Variants in CTNND2 observed in about 807,000 individuals in gnomAD.
CTNND2 encodes catenin delta 2, also known as catenin delta-2.
A neutral mutation model predicts 144.4 loss-of-function variants in CTNND2; 22 were observed. The observed-to-expected ratio is 0.15, with a 90% CI of 0.11 to 0.22. The LOEUF (loss-of-function observed/expected upper bound fraction) is 0.22. Among genes scored for constraint, CTNND2 ranks in the 10% least tolerant of loss-of-function variants. The pLI is 1.00. For synonymous variants in CTNND2, 751 were observed against 695.6 expected (o/e 1.08, Z -1.25); for missense variants, 1,353 against 1,618.8 (o/e 0.84, Z 2.82).
In CTNND2 at chr5:11,282,244, G is replaced by A. The variant is rs567631572; in HGVS notation, c.1629-45421C>T. Among the ~76,000 whole-genome samples the A allele has an allele frequency of 1.1e-4, 16 of 152,214 alleles. No homozygotes were observed. In the East Asian group the frequency reaches 1.2e-3, roughly 11 times the overall value. Reference sequence around the variant, plus strand: ...GGAAAAAAAGCAATTCATGCTTCTCGTCTGACATTTCTAAGCTTCCTACCA... The same window carrying A: ...GGAAAAAAAGCAATTCATGCTTCTCATCTGACATTTCTAAGCTTCCTACCA... On this transcript the variant is annotated intron_variant, in intron 9 of 21. Coordinates refer to ENST00000304623, the MANE Select transcript of CTNND2 (RefSeq NM_001332.4).
In CTNND2 at chr5:11,645,728, T is replaced by C. The variant is rs1050823430; in HGVS notation, c.175-80672A>G. Among the ~76,000 whole-genome samples, 12 of 152,252 alleles carry C rather than the reference T, an allele frequency of 7.9e-5. No individual in the cohort carries two copies. In the East Asian group the frequency reaches 2.1e-3, roughly 27 times the overall value. On this transcript the variant is annotated intron_variant, in intron 2 of 21. Transcript: ENST00000304623. Reference sequence around the variant, plus strand: ...TTAGACCAGGGAAATAAAAATATCTTGTCCTTACTGCTTATCTAAGTTTAC... The same window carrying C: ...TTAGACCAGGGAAATAAAAATATCTCGTCCTTACTGCTTATCTAAGTTTAC...
chr5:11,769,911 T>C (rs770445724), intron 1 of CTNND2, among the ~76,000 whole-genome samples: 3 of 152,206 alleles, frequency 2.0e-5, no homozygotes, highest in Non-Finnish European at 4.4e-5. Context: ...ATTTTCCAAT[T>C]ATAAAATTAA....
At chr5:11,866,493 G>A (rs1795775463) in intron 1 of CTNND2, among the ~76,000 whole-genome samples, 1 of 152,122 alleles carries the variant, frequency 6.6e-6, no homozygotes, top group African/African-American at 2.4e-5. Flanking sequence ...GGAAGTATGG[G>A]CCAAGGTTAA....
chr5:11,814,176 A>T (rs1792502144), intron 1 of CTNND2, among the ~76,000 whole-genome samples: 1 of 152,264 alleles, frequency 6.6e-6, no homozygotes, highest in Non-Finnish European at 1.5e-5. Context: ...ATTAAGTTGT[A>T]CCTAAAACAT....
intron 2 of CTNND2, among the ~76,000 whole-genome samples, chr5:11,680,738 C>G (rs1187857233): frequency 1.3e-5 from 2 of 152,084 alleles, no homozygotes; most frequent in East Asian, 3.9e-4. Context: ...CACAGAGCAG[C>G]AGGTGGACTG....
At chr5:11,523,395 C>T (rs1772933112) in intron 3 of CTNND2, among the ~76,000 whole-genome samples, 1 of 152,112 alleles carries the variant, frequency 6.6e-6, no homozygotes, top group African/African-American at 2.4e-5. Flanking sequence ...TATATCGAGG[C>T]ACACTTGCGT....
chr5:11,345,824 T>C (rs1561253208), intron 9 of CTNND2, among the ~76,000 whole-genome samples: 1 of 151,672 alleles, frequency 6.6e-6, no homozygotes, highest in Non-Finnish European at 1.5e-5. Flanking sequence ...AAAACCTCCA[T>C]AACAACAATT....
At chr5:10,979,276 T>A (rs956008516) in intron 21 of CTNND2, among the ~76,000 whole-genome samples, 5 of 152,268 alleles carry the variant, frequency 3.3e-5, no homozygotes, top group Non-Finnish European at 7.3e-5. Flanking sequence ...TGTTTCTGTT[T>A]GCCTTTATGG....
intron 12 of CTNND2, among the ~76,000 whole-genome samples, chr5:11,145,989 G>C (rs796586201): frequency 6.6e-6 from 1 of 152,082 alleles, no homozygotes; most frequent in Non-Finnish European, 1.5e-5. Context: ...TTCTTCCCCC[G>C]GACAGACTCT....
rs757351324 is a variant in CTNND2, at chr5:11,433,887, C to T, written c.288-21818G>A. The stretch of plus-strand genomic sequence containing the variant: ...TCAAATAGGTGGTTGTGTAAAACTG[C>T]CCAACTACTTTGGGGAAAAGTCGGG... On this transcript the variant is annotated intron_variant, in intron 3 of 21. Coordinates refer to ENST00000304623, the MANE Select transcript of CTNND2 (RefSeq NM_001332.4). Among the ~76,000 whole-genome samples, 4 of 152,268 alleles carry T rather than the reference C, an allele frequency of 2.6e-5. No homozygotes were observed. In the South Asian group the frequency reaches 6.2e-4, roughly 24 times the overall value.
chr5:11,857,026 T>C (rs975005128), intron 1 of CTNND2, among the ~76,000 whole-genome samples: 2 of 152,216 alleles, frequency 1.3e-5, no homozygotes, highest in South Asian at 4.1e-4. Context: ...TATAAGACCA[T>C]GCATTTAAAA....
At chr5:11,496,877 G>C (rs566391655) in intron 3 of CTNND2, among the ~76,000 whole-genome samples, 6 of 151,682 alleles carry the variant, frequency 4.0e-5, no homozygotes, top group Admixed American at 1.3e-4. Flanking sequence ...TGGTGACATG[G>C]TGTGAGAGTG....
At chr5:11,229,159 GAGT>G (rs1740698705) in intron 10 of CTNND2, among the ~76,000 whole-genome samples, 1 of 152,128 alleles carries the variant, frequency 6.6e-6, no homozygotes, top group Admixed American at 6.6e-5. Context: ...AAAAAGAAAG[GAGT>G]ACAAGTCAAT....
chr5:11,512,928 C>A (rs1771788284), intron 3 of CTNND2, among the ~76,000 whole-genome samples: 1 of 152,206 alleles, frequency 6.6e-6, no homozygotes, highest in Non-Finnish European at 1.5e-5. Flanking sequence ...GTTAGTTTTT[C>A]ATACAAATCT....
At chr5:11,148,102 T>C (rs771503742) in intron 12 of CTNND2, among the ~76,000 whole-genome samples, 2 of 152,188 alleles carry the variant, frequency 1.3e-5, no homozygotes, top group African/African-American at 2.4e-5. Context: ...CCTATTTATA[T>C]GAAATATGCA....
At chr5:11,515,402 G>A (rs1173708819) in intron 3 of CTNND2, among the ~76,000 whole-genome samples, 4 of 152,164 alleles carry the variant, frequency 2.6e-5, no homozygotes, top group Admixed American at 6.5e-5. Flanking sequence ...TGGAGATTCC[G>A]TTTAGGATGT....
intron 2 of CTNND2, among the ~76,000 whole-genome samples, chr5:11,570,776 C>T (rs562731613): frequency 2.4e-4 from 37 of 151,976 alleles, no homozygotes; most frequent in Admixed American, 1.8e-3. Flanking sequence ...AGGGATCTTT[C>T]GATCAAAAAC....
At chr5:11,419,070 A>G (rs1422736819) in intron 3 of CTNND2, among the ~76,000 whole-genome samples, 1 of 96,028 alleles carries the variant, frequency 1.0e-5, no homozygotes, top group Non-Finnish European at 1.8e-5. Context: ...ATATATATAT[A>G]GAGAGAGAGA....
intron 12 of CTNND2, among the ~76,000 whole-genome samples, chr5:11,130,678 C>A (rs941502211): frequency 6.6e-6 from 1 of 152,172 alleles, no homozygotes; most frequent in African/African-American, 2.4e-5. Flanking sequence ...ACGTGCCGCT[C>A]ACAGTTGTTC....
Sources: allele counts gnomAD v4.1 joint callset (sites outside exome capture counted in the v4.1 genomes callset), GRCh38; gene constraint gnomAD v4.1.1; transcripts MANE v1.5; gene names NCBI Gene and HGNC (gene_info 2026-07-23, HGNC 2026-07-21).